XYLT1: variants seen among roughly 807,000 people sequenced by gnomAD.
XYLT1 encodes xylosyltransferase 1.
XYLT1 carries 36 observed loss-of-function variants against 91.3 expected under a neutral mutation model. The ratio of observed to expected loss-of-function variants is 0.39; its 90% CI spans 0.30 to 0.52. XYLT1 has a LOEUF of 0.52. Among genes scored for constraint, XYLT1 ranks in the 20% least tolerant of loss-of-function variants. The pLI is 0.68. For missense variants in XYLT1, 1,242 were observed against 1,284.5 expected (o/e 0.97, Z 0.51); for synonymous variants, 588 against 532.0 (o/e 1.11, Z -1.45).
At chr16:17,455,175 G>A (rs1301611668) in intron 1 of XYLT1, among the ~76,000 whole-genome samples, 1 of 152,174 alleles carries the variant, frequency 6.6e-6, no homozygotes, top group Non-Finnish European at 1.5e-5. Flanking sequence ...CATGGGGTCA[G>A]AGTGGACGTG....
chr16:17,114,200 A>G (rs1966847714), intron 11 of XYLT1, among the ~76,000 whole-genome samples: 1 of 152,252 alleles, frequency 6.6e-6, no homozygotes, highest in African/African-American at 2.4e-5. Context: ...CCTTTAAAAT[A>G]TCTTTCATAA....
intron 1 of XYLT1, among the ~76,000 whole-genome samples, chr16:17,432,651 T>C (rs921850853): frequency 3.3e-5 from 5 of 152,202 alleles, no homozygotes; most frequent in African/African-American, 1.2e-4. Flanking sequence ...TTGAAATGTG[T>C]AAATTTTACA....
rs2034201439 is a variant in XYLT1 at position 17,290,259 on chromosome 16, T to G, written c.403-30761A>C. On this transcript the variant is annotated intron_variant, in intron 2 of 11. Coordinates refer to ENST00000261381, the MANE Select transcript of XYLT1 (RefSeq NM_022166.4). ...GGTTAGTGTCAAACTTTCCATAATT[T>G]TTAACAACTTTCTAAGTAAAACTAG... Among the ~76,000 whole-genome samples, 3 of 152,250 alleles carry G rather than the reference T, an allele frequency of 2.0e-5. 1 individual carries two copies. In the South Asian group the frequency reaches 6.2e-4, roughly 31 times the overall value.
chr16:17,438,979 A>G (rs1284207453), intron 1 of XYLT1, among the ~76,000 whole-genome samples: 1 of 152,186 alleles, frequency 6.6e-6, no homozygotes, highest in East Asian at 1.9e-4. Context: ...ATGAGTCAGT[A>G]CACCTCCATG....
At chr16:17,268,404 T>C (rs2033837396) in intron 2 of XYLT1, among the ~76,000 whole-genome samples, 2 of 152,234 alleles carry the variant, frequency 1.3e-5, no homozygotes, top group South Asian at 2.1e-4. Flanking sequence ...TAGGAAGTAA[T>C]TGATAGCACC....
intron 1 of XYLT1, among the ~76,000 whole-genome samples, chr16:17,418,483 G>A (rs2036207801): frequency 6.6e-6 from 1 of 152,116 alleles, no homozygotes; most frequent in Non-Finnish European, 1.5e-5. Flanking sequence ...TATTCAGACA[G>A]AGCCATGTCA....
At chr16:17,304,754 G>A (rs1291440844) in intron 2 of XYLT1, among the ~76,000 whole-genome samples, 2 of 152,142 alleles carry the variant, frequency 1.3e-5, no homozygotes, top group Non-Finnish European at 2.9e-5. Flanking sequence ...CCCACGGTGA[G>A]TAAGGCTGCT....
chr16:17,292,625 G>A (rs999477778), intron 2 of XYLT1, among the ~76,000 whole-genome samples: 12 of 152,208 alleles, frequency 7.9e-5, no homozygotes, highest in African/African-American at 2.9e-4. Flanking sequence ...GGCGATGAAG[G>A]AGAAGTTTAA....
intron 2 of XYLT1, among the ~76,000 whole-genome samples, chr16:17,333,594 T>A (rs982062456): frequency 3.3e-5 from 5 of 149,918 alleles, no homozygotes; most frequent in Non-Finnish European, 4.5e-5. Context: ...TTAATTTATT[T>A]TTTTTTTTTT....
rs139156211 is a variant in XYLT1 at position 17,134,595 on chromosome 16, G to A, written c.1905C>T (p.Tyr635=). 1.1e-4 allele frequency: 184 copies of A among 1,614,178 alleles called. No individual in the cohort carries two copies. The African/African-American group carries it at 1.7e-3, about 15-fold the overall frequency. Reference sequence around the variant, plus strand: ...GGCTGTGGATGCCGTCAGGCTCATCGTAGACATTCTCCCAGTAGGAGCGCA... The same window carrying A: ...GGCTGTGGATGCCGTCAGGCTCATCATAGACATTCTCCCAGTAGGAGCGCA... ...PGLRSYWENV[Y]DEPDGIHSLS... Residue 635 remains tyrosine, a synonymous_variant, in exon 9 of 12, where the codon TAC becomes TAT. Transcript: ENST00000261381.
chr16:17,218,883 A>G (rs1462705479), intron 3 of XYLT1, among the ~76,000 whole-genome samples: 1 of 152,198 alleles, frequency 6.6e-6, no homozygotes, highest in African/African-American at 2.4e-5. Context: ...ATGAATAATT[A>G]TAAATGCCTG....
chr16:17,349,558 T>C (rs2035191934), intron 2 of XYLT1, among the ~76,000 whole-genome samples: 1 of 151,884 alleles, frequency 6.6e-6, no homozygotes, highest in East Asian at 1.9e-4. Flanking sequence ...CCAGGGTTAT[T>C]TCCCAATATA....
At chr16:17,183,350 A>T (rs2032111830) in intron 5 of XYLT1, among the ~76,000 whole-genome samples, 1 of 152,178 alleles carries the variant, frequency 6.6e-6, no homozygotes, top group African/African-American at 2.4e-5. Flanking sequence ...TCTCATCCAG[A>T]TACAGAAACC....
intron 1 of XYLT1, among the ~76,000 whole-genome samples, chr16:17,410,743 A>G (rs545800204): frequency 1.3e-5 from 2 of 151,782 alleles, no homozygotes; most frequent in Admixed American, 1.3e-4. Flanking sequence ...CCTAGGTTCA[A>G]GCGATTATCC....
chr16:17,375,193 A>C (rs2035583076), intron 1 of XYLT1, among the ~76,000 whole-genome samples: 2 of 152,214 alleles, frequency 1.3e-5, no homozygotes, highest in African/African-American at 2.4e-5. Flanking sequence ...TTAGGCACTT[A>C]TTATGGACTA....
chr16:17,277,655 G>T (rs1229674565), intron 2 of XYLT1, among the ~76,000 whole-genome samples: 1 of 152,144 alleles, frequency 6.6e-6, no homozygotes, highest in African/African-American at 2.4e-5. Flanking sequence ...CTCCCAAAGT[G>T]CTGGGATTAC....
In XYLT1 at chr16:17,401,937, T is replaced by G. The variant is rs571137093; in HGVS notation, c.364-43887A>C. ...TGAGCAATGGTGACATTAAATAAGGTGCATCAACGCAGTGGTGAATTATGC... is the reference window on the plus strand; with the variant it reads ...TGAGCAATGGTGACATTAAATAAGGGGCATCAACGCAGTGGTGAATTATGC... On this transcript the variant is annotated intron_variant, in intron 1 of 11. Transcript: ENST00000261381. 2.0e-5 allele frequency among the ~76,000 whole-genome samples: 3 copies of G among 152,212 alleles called. No individual in the cohort carries two copies. The South Asian group carries it at 6.2e-4, about 32-fold the overall frequency.
intron 1 of XYLT1, among the ~76,000 whole-genome samples, chr16:17,459,129 T>C (rs1245154794): frequency 6.6e-6 from 1 of 152,118 alleles, no homozygotes; most frequent in Non-Finnish European, 1.5e-5. Context: ...CCCAGCAGTT[T>C]GGGAGGCTGA....
chr16:17,340,221 G>C (rs1009467035), intron 2 of XYLT1, among the ~76,000 whole-genome samples: 3 of 152,286 alleles, frequency 2.0e-5, no homozygotes, highest in South Asian at 2.1e-4. Context: ...TCTGCAGTTG[G>C]TTTCCCAGAT....
Sources: gnomAD v4.1 joint callset for allele counts (sites outside exome capture counted in the v4.1 genomes callset) on GRCh38, gnomAD v4.1.1 for gene constraint, MANE v1.5 for transcripts, NCBI Gene and HGNC (gene_info 2026-07-23, HGNC 2026-07-21) for gene names.